AFG1L: variants seen among roughly 807,000 people sequenced by gnomAD.
AFG1L encodes AFG1 like ATPase, also known as AFG1-like ATPase.
AFG1L carries 53 observed loss-of-function variants against 62.2 expected under a neutral mutation model. That is an observed-to-expected ratio of 0.85 (90% CI 0.68 to 1.07). The LOEUF (loss-of-function observed/expected upper bound fraction) is 1.07. Among genes scored for constraint, AFG1L ranks in the 50% least tolerant of loss-of-function variants. The pLI is 0.00. For synonymous variants in AFG1L, 228 were observed against 210.3 expected (o/e 1.08, Z -0.73); for missense variants, 555 against 590.5 (o/e 0.94, Z 0.62).
At chr6:108,399,019 T>C (rs1202975212) in intron 6 of AFG1L, among the ~76,000 whole-genome samples, 5 of 152,138 alleles carry the variant, frequency 3.3e-5, no homozygotes, top group Non-Finnish European at 5.9e-5. Flanking sequence ...TTGCATTGAA[T>C]CTGTAGATTG....
intron 8 of AFG1L, among the ~76,000 whole-genome samples, chr6:108,474,287 A>T (rs1268563411): frequency 2.6e-5 from 4 of 152,174 alleles, no homozygotes. Flanking sequence ...TCCATCATTG[A>T]TAGGCATTGG....
chr6:108,357,102 C>T (rs1399835780), intron 5 of AFG1L, among the ~76,000 whole-genome samples: 1 of 152,020 alleles, frequency 6.6e-6, no homozygotes, highest in Non-Finnish European at 1.5e-5. Context: ...TATTTTAAGA[C>T]ACAGGGTCCT....
intron 7 of AFG1L, among the ~76,000 whole-genome samples, chr6:108,430,917 C>G (rs1771041662): frequency 6.6e-6 from 1 of 152,116 alleles, no homozygotes; most frequent in Non-Finnish European, 1.5e-5. Flanking sequence ...ATTTTCCACT[C>G]CCATGCCAAA....
intron 7 of AFG1L, among the ~76,000 whole-genome samples, chr6:108,421,143 G>A (rs1351039041): frequency 6.6e-6 from 1 of 152,158 alleles, no homozygotes; most frequent in Admixed American, 6.5e-5. Context: ...ATCATGAAAA[G>A]AAAGCATGAG....
At chr6:108,503,185 C>T (rs1183933998) in intron 10 of AFG1L, among the ~76,000 whole-genome samples, 1 of 152,186 alleles carries the variant, frequency 6.6e-6, no homozygotes, top group Non-Finnish European at 1.5e-5. Context: ...ACCTTCTCCC[C>T]ATGAAGCACT....
rs191120279 is a variant in AFG1L at position 108,349,027 on chromosome 6, G to A, written c.415+1988G>A. On this transcript the variant is annotated intron_variant, in intron 3 of 12. Coordinates refer to ENST00000368977, the MANE Select transcript of AFG1L (RefSeq NM_145315.5). The stretch of plus-strand genomic sequence containing the variant: ...TTCATCTGAGTGTTTGAAAGCAATA[G>A]AAAAGATGTGATAGTATGGGATGTT... Among the ~76,000 whole-genome samples, 749 of 152,310 alleles carry A rather than the reference G, an allele frequency of 4.9e-3. 3 individuals are homozygous for A. The highest frequency in any genetic ancestry group is 0.015 in the African/African-American group (611 of 41,564).
intron 6 of AFG1L, among the ~76,000 whole-genome samples, chr6:108,384,060 G>GT (rs1309162765): frequency 2.0e-5 from 2 of 100,712 alleles, no homozygotes; most frequent in African/African-American, 5.3e-5. Flanking sequence ...GTCCTGGAGA[G>GT]TAAAAAAAAA....
At chr6:108,422,182 G>A (rs1024126065) in intron 7 of AFG1L, among the ~76,000 whole-genome samples, 13 of 151,920 alleles carry the variant, frequency 8.6e-5, no homozygotes, top group Admixed American at 8.5e-4. Context: ...TGCAAACTTT[G>A]TTTATGCAAG....
chr6:108,423,662 C>A (rs1770695488), intron 7 of AFG1L, among the ~76,000 whole-genome samples: 1 of 152,004 alleles, frequency 6.6e-6, no homozygotes, highest in Non-Finnish European at 1.5e-5. Context: ...GGGACAGTGT[C>A]ACCTCTAAAT....
intron 8 of AFG1L, among the ~76,000 whole-genome samples, chr6:108,465,275 C>T (rs771328482): frequency 3.9e-5 from 6 of 152,106 alleles, no homozygotes; most frequent in Non-Finnish European, 7.4e-5. Flanking sequence ...AATTTAGTGC[C>T]GTCTTCATGC....
rs1167300344 is a variant in AFG1L, at chr6:108,510,214, A to G, written c.1065A>G (p.Pro355=). 1 of 1,603,012 alleles carries G rather than the reference A, an allele frequency of 6.2e-7. No homozygotes were observed. Among genetic ancestry groups the G allele is most frequent in the Non-Finnish European group, 8.5e-7 (1 of 1,176,688 alleles). ...DCTFEELCER[P]LGASDYLELS... is the part of the protein sequence containing the mutation. ...TCTTTTATTTCATTTTATCATAGCC[A>G]CTTGGAGCCAGTGACTATTTGGAAC... The change falls in exon 11 of 13, where the codon CCA becomes CCG. Residue 355 remains proline (P), a splice_region_variant and synonymous_variant. Transcript: ENST00000368977.
intron 1 of AFG1L, among the ~76,000 whole-genome samples, chr6:108,297,356 C>T (rs1000768190): frequency 2.2e-4 from 33 of 152,222 alleles, no homozygotes; most frequent in African/African-American, 7.2e-4. Context: ...GATCCGGAGC[C>T]TCGGCCCCCC....
intron 2 of AFG1L, among the ~76,000 whole-genome samples, chr6:108,339,594 G>T (rs1465082644): frequency 6.6e-6 from 1 of 151,552 alleles, no homozygotes; most frequent in Non-Finnish European, 1.5e-5. Context: ...CATGTAGCTG[G>T]GATTACAGGT....
chr6:108,450,449 G>A (rs1259678136), intron 8 of AFG1L, among the ~76,000 whole-genome samples: 1 of 151,866 alleles, frequency 6.6e-6, no homozygotes, highest in East Asian at 1.9e-4. Context: ...TGATGGGGTT[G>A]TTTTTTTTCT....
chr6:108,453,186 T>C (rs1051372472), intron 8 of AFG1L, among the ~76,000 whole-genome samples: 4 of 152,170 alleles, frequency 2.6e-5, no homozygotes, highest in African/African-American at 9.6e-5. Context: ...AAAACTTAAA[T>C]TGTCTCAAGA....
intron 2 of AFG1L, among the ~76,000 whole-genome samples, chr6:108,327,386 A>G (rs1778089614): frequency 6.6e-6 from 1 of 152,228 alleles, no homozygotes; most frequent in African/African-American, 2.4e-5. Context: ...ACAAAATACC[A>G]TAAACTGGGT....
chr6:108,344,199 G>A (rs908534510), intron 2 of AFG1L, among the ~76,000 whole-genome samples: 1 of 150,552 alleles, frequency 6.6e-6, no homozygotes, highest in Non-Finnish European at 1.5e-5. Context: ...TGCAACCTCC[G>A]CCTCCTGGTT....
intron 8 of AFG1L, among the ~76,000 whole-genome samples, chr6:108,457,067 G>A (rs532037340): frequency 5.6e-4 from 85 of 152,204 alleles, no homozygotes; most frequent in African/African-American, 1.8e-3. Context: ...GTTAAGTAAT[G>A]TGCCACTGTA....
chr6:108,496,524 T>C (rs1201545102), intron 10 of AFG1L, among the ~76,000 whole-genome samples: 4 of 152,308 alleles, frequency 2.6e-5, no homozygotes, highest in Non-Finnish European at 5.9e-5. Flanking sequence ...CTTTAGTATA[T>C]GCTTTGTGTT....
Sources: gnomAD v4.1 joint callset for allele counts (sites outside exome capture counted in the v4.1 genomes callset) on GRCh38, gnomAD v4.1.1 for gene constraint, MANE v1.5 for transcripts, NCBI Gene and HGNC (gene_info 2026-07-23, HGNC 2026-07-21) for gene names.